Variants in ZC3H7B observed in about 807,000 individuals in gnomAD.
The protein encoded by ZC3H7B is zinc finger CCCH-type containing 7B, also known as zinc finger CCCH domain-containing protein 7B.
ZC3H7B carries 35 observed loss-of-function variants against 116.0 expected under a neutral mutation model. That is an observed-to-expected ratio of 0.30 (90% CI 0.23 to 0.40). The LOEUF is 0.40. Among genes scored for constraint, ZC3H7B ranks in the 10% least tolerant of loss-of-function variants. The pLI is 1.00. For synonymous variants in ZC3H7B, 502 were observed against 545.6 expected (o/e 0.92, Z 1.11); for missense variants, 1,011 against 1,321.5 (o/e 0.77, Z 3.64).
At chr22:41,356,224 G>A in intron 20 of ZC3H7B, 119 bp from the exon 21 acceptor site, 1 of 1,538,538 alleles carries the variant, frequency 6.5e-7, no homozygotes, top group South Asian at 1.3e-5. Flanking sequence ...AGGCCCTGAG[G>A]CTGAGCGGCC....
chr22:41,321,342 A>C (rs2036254211), intron 2 of ZC3H7B, among the ~76,000 whole-genome samples: 1 of 150,810 alleles, frequency 6.6e-6, no homozygotes, highest in Non-Finnish European at 1.5e-5. Context: ...CAGCCTCTCG[A>C]GTAGCTGGGA....
chr22:41,322,646 A>T (rs1274947230), intron 2 of ZC3H7B, among the ~76,000 whole-genome samples: 1 of 152,124 alleles, frequency 6.6e-6, no homozygotes, highest in Non-Finnish European at 1.5e-5. Flanking sequence ...GCCCCTTCCG[A>T]GGCCCTGGAA....
At chr22:41,308,976 C>T (rs1185801803) in intron 1 of ZC3H7B, among the ~76,000 whole-genome samples, 1 of 149,790 alleles carries the variant, frequency 6.7e-6, no homozygotes, top group Non-Finnish European at 1.5e-5. Context: ...TGTCAGCTTC[C>T]TCCTAAGGGC....
At chr22:41,339,698 G>T in intron 9 of ZC3H7B, 118 bp from the exon 10 acceptor site, 1 of 903,396 alleles carries the variant, frequency 1.1e-6, no homozygotes, top group East Asian at 2.5e-5. Flanking sequence ...CTCCCACATG[G>T]GACAGGATGA....
rs2036329351 is a variant in ZC3H7B, at chr22:41,327,152, G to A, written c.286-54G>A. The A allele has an allele frequency of 1.1e-5, 18 of 1,596,292 alleles. No individual in the cohort carries two copies. The highest frequency in any genetic ancestry group is 1.5e-5 in the Non-Finnish European group (18 of 1,169,748). On this transcript the variant is annotated intron_variant, in intron 4 of 22. Coordinates refer to ENST00000352645, the MANE Select transcript of ZC3H7B (RefSeq NM_017590.6). This position sits in a 1 kb window ranked among gnomAD's most constrained non-coding sequence, Gnocchi z 4.5. ...CTTCCTAGGCAGGGGCAGGAGGCCT[G>A]GGGGAGGGAGGGTAACAGGTGTTGA...
At chr22:41,329,924 G>A (rs1569235979) in intron 5 of ZC3H7B, 99 bp from the exon 6 acceptor site, 4 of 1,253,646 alleles carry the variant, frequency 3.2e-6, no homozygotes, top group Non-Finnish European at 4.5e-6. Context: ...AACATGGGGT[G>A]ACTATGACCT....
At chr22:41,323,763 C>T (rs2036285259) in intron 2 of ZC3H7B, among the ~76,000 whole-genome samples, 2 of 152,176 alleles carry the variant, frequency 1.3e-5, no homozygotes, top group African/African-American at 4.8e-5. Context: ...TTGGCCCCAG[C>T]TTGCAGAGGA....
chr22:41,320,888 C>T (rs1030832147), intron 2 of ZC3H7B, among the ~76,000 whole-genome samples, 175 bp downstream of exon 2: 1 of 152,136 alleles, frequency 6.6e-6, no homozygotes, highest in Non-Finnish European at 1.5e-5. Context: ...TGTGGCTGTG[C>T]GTGAACTCCA....
chr22:41,318,905 C>T (rs1008387153), intron 1 of ZC3H7B, among the ~76,000 whole-genome samples: 12 of 152,152 alleles, frequency 7.9e-5, no homozygotes, highest in African/African-American at 2.7e-4. Flanking sequence ...GTTCCCTCTG[C>T]CCGGAGCCCT....
intron 2 of ZC3H7B, among the ~76,000 whole-genome samples, chr22:41,321,214 T>C (rs1163295413): frequency 8.5e-6 from 1 of 118,310 alleles, no homozygotes; most frequent in South Asian, 2.4e-4. Context: ...ACCCAGCTAA[T>C]TTTTTTTTTT....
chr22:41,352,628 G>A (rs1455202224), intron 17 of ZC3H7B, among the ~76,000 whole-genome samples: 1 of 152,108 alleles, frequency 6.6e-6, no homozygotes, highest in African/African-American at 2.4e-5. Context: ...TGGGCGTGGT[G>A]GCGGGCGCCT....
In ZC3H7B at chr22:41,338,883, C is replaced by T; in HGVS notation, c.626-118C>T. 2 of 1,192,932 alleles carry T rather than the reference C, an allele frequency of 1.7e-6. No individual in the cohort carries two copies. The highest frequency in any genetic ancestry group is 5.0e-5 in the East Asian group (2 of 39,768). 73.9% of individuals were successfully genotyped at this position (1,192,932 alleles called of 1,614,324 possible). Reference sequence around the variant, plus strand: ...ATCAGCCGATGGGGAAGGCAGGGCTCCTGGCAAGAGCTGAAAGAAGAAGGG... The same window carrying T: ...ATCAGCCGATGGGGAAGGCAGGGCTTCTGGCAAGAGCTGAAAGAAGAAGGG... On this transcript the variant is annotated intron_variant, in intron 8 of 22. Coordinates refer to ENST00000352645, the MANE Select transcript of ZC3H7B (RefSeq NM_017590.6). This position sits in a 1 kb window ranked among gnomAD's most constrained non-coding sequence, Gnocchi z 4.5.
chr22:41,320,601 T>C (rs1343161366), intron 1 of ZC3H7B, 54 bp from the exon 2 acceptor site: 4 of 1,607,146 alleles, frequency 2.5e-6, no homozygotes, highest in Non-Finnish European at 3.4e-6. Flanking sequence ...TGGTGGTGGC[T>C]GACGGCAGCC....
Position 41,338,453 on chromosome 22 carries a change from CCT to C in ZC3H7B, c.625+100_625+101del. On this transcript the variant is annotated intron_variant, in intron 8 of 22. Coordinates refer to ENST00000352645, the MANE Select transcript of ZC3H7B (RefSeq NM_017590.6). This position sits in a 1 kb window ranked among gnomAD's most constrained non-coding sequence, Gnocchi z 4.5. ...CATCCCAGCCCTGTAGATGGGAGGG[CCT>C]CCGAGGGGTTCCCCACCCTGGTACT... The C allele has an allele frequency of 7.5e-7, 1 of 1,333,556 alleles. No individual in the cohort carries two copies. Among genetic ancestry groups the C allele is most frequent in the East Asian group, 2.4e-5 (1 of 40,916 alleles). 82.6% of individuals were successfully genotyped at this position (1,333,556 alleles called of 1,614,324 possible). A position where few individuals can be genotyped will look rare whatever the true frequency, so the allele number is the denominator to read the frequency against.
chr22:41,356,916 T>G, intron 22 of ZC3H7B, 108 bp downstream of exon 22: 1 of 1,527,814 alleles, frequency 6.5e-7, no homozygotes, highest in East Asian at 2.3e-5. Context: ...CAGGGAGTGG[T>G]GAGGCTTGGC....
rs141345639 is a variant in ZC3H7B at position 41,321,516 on chromosome 22, T to C, written c.53+803T>C. 7.5e-3 allele frequency among the ~76,000 whole-genome samples: 1,130 copies of C among 151,238 alleles called. 19 individuals carry two copies. Among genetic ancestry groups the C allele is most frequent in the African/African-American group, 0.026 (1,085 of 41,214 alleles). On this transcript the variant is annotated intron_variant, in intron 2 of 22. Transcript: ENST00000352645. ...AGGCGTGAGCCACCGCACTAGGCCA[T>C]TTAAAAAATTTTTTTGTAGAGACGA...
chr22:41,305,538 C>G (rs2036030427), intron 1 of ZC3H7B, among the ~76,000 whole-genome samples: 1 of 151,950 alleles, frequency 6.6e-6, no homozygotes, highest in Non-Finnish European at 1.5e-5. Flanking sequence ...ACTGGATGGT[C>G]TGAATTAGCA....
At chr22:41,328,046 G>C (rs948200843) in intron 5 of ZC3H7B, among the ~76,000 whole-genome samples, 1 of 152,128 alleles carries the variant, frequency 6.6e-6, no homozygotes, top group African/African-American at 2.4e-5. Context: ...AGGATCACTT[G>C]AGCCCAGGAG....
In ZC3H7B at chr22:41,303,882, T is replaced by C. The variant is rs554170227; in HGVS notation, c.-7+2110T>C. Reference sequence around the variant, plus strand: ...ACGCCATTCTCCTGCCTCAGCCTCCTGAGTAGCTGGGACTACAGGCTCCCG... The same window carrying C: ...ACGCCATTCTCCTGCCTCAGCCTCCCGAGTAGCTGGGACTACAGGCTCCCG... On this transcript the variant is annotated intron_variant, in intron 1 of 22. Transcript: ENST00000352645. Among the ~76,000 whole-genome samples, 255 of 151,960 alleles carry C rather than the reference T, an allele frequency of 1.7e-3. 4 individuals are homozygous for C. Among genetic ancestry groups the C allele is most frequent in the Admixed American group, 0.016 (249 of 15,276 alleles).
Sources: gnomAD v4.1 joint callset for allele counts (sites outside exome capture counted in the v4.1 genomes callset) on GRCh38, gnomAD v4.1.1 for gene constraint, Gnocchi (gnomAD v3.1) non-coding constraint, MANE v1.5 for transcripts, NCBI Gene and HGNC (gene_info 2026-07-23, HGNC 2026-07-21) for gene names.